The following ELMO1 variants were observed in gnomAD, a reference collection of about 807,000 sequenced individuals.
ELMO1 encodes the protein engulfment and cell motility 1.
In ELMO1, 26 loss-of-function variants were observed where a neutral mutation model predicts 98.9. That is an observed-to-expected ratio of 0.26 (90% CI 0.19 to 0.36). ELMO1 has a LOEUF of 0.36. Ranked by LOEUF, ELMO1 falls within the 10% of genes least tolerant of loss-of-function variation. The pLI, the probability that ELMO1 is intolerant of heterozygous loss-of-function variation, is 1.00. For synonymous variants in ELMO1, 346 were observed against 346.0 expected (o/e 1.00, Z 0.00); for missense variants, 627 against 935.2 (o/e 0.67, Z 4.30).
At position 37,041,809 on chromosome 7, in the gene ELMO1, G is replaced by A. The variant is rs147747478; in HGVS notation, c.1301-28374C>T. ...CAGGAACACTGGCTGTGAGCCCTGC[G>A]ACGGCACCCTTTCTCATTCACTGAG... On this transcript the variant is annotated intron_variant, in intron 15 of 21. Transcript: ENST00000310758. Among the ~76,000 whole-genome samples the A allele has an allele frequency of 9.0e-3, 1,363 of 152,202 alleles. 6 individuals are homozygous for A. Among genetic ancestry groups the A allele is most frequent in the Middle Eastern group, 0.014 (4 of 294 alleles).
At chr7:37,376,081 A>G in intron 1 of ELMO1, 1 of 357,306 alleles carries the variant, frequency 2.8e-6, no homozygotes, top group East Asian at 6.7e-5. Context: ...CTTTAAAAAA[A>G]TGAACAAACA....
intron 16 of ELMO1, among the ~76,000 whole-genome samples, chr7:37,005,563 G>A (rs982277118): frequency 4.6e-5 from 7 of 151,774 alleles, no homozygotes; most frequent in Non-Finnish European, 1.0e-4. Flanking sequence ...CTCGTGGCGG[G>A]CGCCTGTAAT....
At chr7:37,260,251 A>T (rs2130799114) in intron 5 of ELMO1, among the ~76,000 whole-genome samples, 1 of 152,306 alleles carries the variant, frequency 6.6e-6, no homozygotes, top group South Asian at 2.1e-4. Context: ...TGCTATCATC[A>T]TATTCTCCTT....
At chr7:37,120,836 G>T (rs1171060099) in intron 14 of ELMO1, among the ~76,000 whole-genome samples, 1 of 152,174 alleles carries the variant, frequency 6.6e-6, no homozygotes, top group Non-Finnish European at 1.5e-5. Context: ...CCTCAAGTGG[G>T]TCCCTGACCC....
At chr7:37,402,291 G>A (rs77694263) in intron 1 of ELMO1, among the ~76,000 whole-genome samples, 2,902 of 152,232 alleles carry the variant, frequency 0.019, 108 homozygotes, top group African/African-American at 0.064. Flanking sequence ...GAAACCATGA[G>A]CAGAAATTAG....
intron 15 of ELMO1, among the ~76,000 whole-genome samples, chr7:37,052,063 G>C (rs1584568956): frequency 6.6e-6 from 1 of 152,018 alleles, no homozygotes; most frequent in East Asian, 1.9e-4. Flanking sequence ...TTTTAATTCT[G>C]AGATCTCCAA....
intron 6 of ELMO1, among the ~76,000 whole-genome samples, chr7:37,258,730 T>C (rs963062286): frequency 6.6e-6 from 1 of 152,194 alleles, no homozygotes; most frequent in African/African-American, 2.4e-5. Flanking sequence ...CCTGGTTTTA[T>C]ACTTTGAAAC....
At chr7:37,335,130 G>A (rs1035977679) in intron 2 of ELMO1, among the ~76,000 whole-genome samples, 3 of 152,114 alleles carry the variant, frequency 2.0e-5, no homozygotes, top group Non-Finnish European at 4.4e-5. Flanking sequence ...CGTTACGTGT[G>A]AAATATATTA....
At chr7:36,884,180 G>A (rs10226355) in intron 18 of ELMO1, among the ~76,000 whole-genome samples, 32,456 of 151,878 alleles carry the variant, frequency 0.21, 4,134 homozygotes, top group African/African-American at 0.35. Context: ...AAAATTACCC[G>A]GGCATGGTGG....
chr7:37,214,534 T>C (rs1321544806), intron 11 of ELMO1, among the ~76,000 whole-genome samples: 1 of 151,938 alleles, frequency 6.6e-6, no homozygotes, highest in Non-Finnish European at 1.5e-5. Flanking sequence ...ATCCACACCA[T>C]AGCTGTCAGT....
intron 16 of ELMO1, among the ~76,000 whole-genome samples, chr7:36,925,752 A>C (rs1785516998): frequency 6.6e-6 from 1 of 152,242 alleles, no homozygotes; most frequent in Admixed American, 6.5e-5. Flanking sequence ...TCCAGAGCTC[A>C]GCCTGGCTAT....
At chr7:36,897,232 C>T (rs1806083504) in intron 16 of ELMO1, among the ~76,000 whole-genome samples, 1 of 151,942 alleles carries the variant, frequency 6.6e-6, no homozygotes, top group Non-Finnish European at 1.5e-5. Context: ...GCTCTCTTTC[C>T]CTCAAATTGA....
At chr7:36,857,301 G>T (rs1340861448) in intron 21 of ELMO1, among the ~76,000 whole-genome samples, 1 of 152,186 alleles carries the variant, frequency 6.6e-6, no homozygotes. Context: ...AACCTTGACA[G>T]AAGTAGACAC....
intron 4 of ELMO1, among the ~76,000 whole-genome samples, chr7:37,293,547 C>A (rs1797864554): frequency 8.9e-6 from 1 of 111,894 alleles, no homozygotes; most frequent in Admixed American, 9.4e-5. Flanking sequence ...CATCACCACT[C>A]CCTAATCTCA....
chr7:37,335,901 G>A (rs961831623), intron 2 of ELMO1, among the ~76,000 whole-genome samples: 1 of 152,126 alleles, frequency 6.6e-6, no homozygotes, highest in African/African-American at 2.4e-5. Flanking sequence ...AGCACAAATA[G>A]GATGGAGTTC....
intron 16 of ELMO1, among the ~76,000 whole-genome samples, chr7:36,927,891 T>C (rs1372179924): frequency 6.6e-6 from 1 of 152,164 alleles, no homozygotes; most frequent in Admixed American, 6.5e-5. Flanking sequence ...GGGAAGAGAT[T>C]TGGGAGTTCA....
chr7:37,149,010 A>T (rs1788183710), intron 13 of ELMO1, among the ~76,000 whole-genome samples: 1 of 152,234 alleles, frequency 6.6e-6, no homozygotes, highest in African/African-American at 2.4e-5. Context: ...CATGAAGCCC[A>T]TTCTCCTGGA....
chr7:37,051,966 A>T (rs2129205091), intron 15 of ELMO1, among the ~76,000 whole-genome samples: 1 of 152,370 alleles, frequency 6.6e-6, no homozygotes, highest in Non-Finnish European at 1.5e-5. Flanking sequence ...TCTGTAGGGC[A>T]GAGGTCATTA....
At chr7:36,932,113 A>G (rs1277148727) in intron 16 of ELMO1, among the ~76,000 whole-genome samples, 1 of 152,128 alleles carries the variant, frequency 6.6e-6, no homozygotes, top group Non-Finnish European at 1.5e-5. Context: ...CAGAACACTT[A>G]GTATAGCTGT....
Sources: allele counts gnomAD v4.1 joint callset (sites outside exome capture counted in the v4.1 genomes callset), GRCh38; gene constraint gnomAD v4.1.1; transcripts MANE v1.5; gene names NCBI Gene and HGNC (gene_info 2026-07-23, HGNC 2026-07-21).